The following SMG5 variants were observed in gnomAD, a reference collection of about 807,000 sequenced individuals.
SMG5 encodes the protein nonsense-mediated mRNA decay factor SMG5.
SMG5 carries 53 observed loss-of-function variants against 122.9 expected under a neutral mutation model. That is an observed-to-expected ratio of 0.43 (90% CI 0.35 to 0.54). The LOEUF (loss-of-function observed/expected upper bound fraction) is 0.54, where lower values mean the gene tolerates loss of function less well. Among genes scored for constraint, SMG5 ranks in the 20% least tolerant of loss-of-function variants. The pLI is 0.01. For synonymous variants in SMG5, 477 were observed against 490.2 expected (o/e 0.97, Z 0.35); for missense variants, 1,153 against 1,285.6 (o/e 0.90, Z 1.58).
At chr1:156,275,561 A>G (rs761561378) in intron 4 of SMG5, among the ~76,000 whole-genome samples, 25 of 152,236 alleles carry the variant, frequency 1.6e-4, no homozygotes, top group Non-Finnish European at 3.2e-4. Context: ...GGCTCCAGAG[A>G]CTGTCCTCTT....
chr1:156,273,891 G>A (rs1392099838), intron 5 of SMG5, among the ~76,000 whole-genome samples: 1 of 151,988 alleles, frequency 6.6e-6, no homozygotes, highest in Non-Finnish European at 1.5e-5. Flanking sequence ...TCCCAATGAA[G>A]GGGAGCTGCA....
rs140385195 is a variant in SMG5, at chr1:156,282,663, G to C, written c.18C>G (p.Pro6=). The change falls in exon 1 of 22, where the codon CCC becomes CCG. Residue 6 remains proline, a synonymous_variant. Coordinates refer to ENST00000361813, the MANE Select transcript of SMG5 (RefSeq NM_015327.3). ...CTTCGGGCTCGCTGCTCTCCCCTGT[G>C]GGGGGGCCTTGGCTCATGGTGCCCG... MSQGP[P]TGESSEPEAK... is the part of the protein sequence containing the mutation. 32 of 1,605,630 alleles carry C rather than the reference G, an allele frequency of 2.0e-5. No individual in the cohort carries two copies. The highest frequency in any genetic ancestry group is 1.9e-4 in the South Asian group (17 of 90,808).
chr1:156,255,503 C>G (rs1473116585), intron 16 of SMG5, among the ~76,000 whole-genome samples: 2 of 151,934 alleles, frequency 1.3e-5, no homozygotes, highest in African/African-American at 4.8e-5. Flanking sequence ...CACACCATTG[C>G]ACTCCAGTCT....
At position 156,277,167 on chromosome 1, in the gene SMG5, A is replaced by G; in HGVS notation, c.372T>C (p.His124=). 6.2e-7 allele frequency: 1 copy of G among 1,613,952 alleles called. No homozygotes were observed. Among genetic ancestry groups the G allele is most frequent in the South Asian group, 1.1e-5 (1 of 91,060 alleles). The change falls in exon 4 of 22, where the codon CAT becomes CAC. Residue 124 remains histidine (H), a synonymous_variant. Coordinates refer to ENST00000361813, the MANE Select transcript of SMG5 (RefSeq NM_015327.3). ...HLVAGIGFYQ[H]LLLYIQSHYQ... is the part of the protein sequence containing the mutation. ...AGTGGGACTGGATATAGAGAAGGAG[A>G]TGCTGGTAGAAGCCAATACCAGCAA... is the stretch of plus-strand genomic sequence containing the variant.
rs1241789146 is a variant in SMG5, at chr1:156,282,588, A to G, written c.74+19T>C. On this transcript the variant is annotated intron_variant, in intron 1 of 21. Coordinates refer to ENST00000361813, the MANE Select transcript of SMG5 (RefSeq NM_015327.3). ...CCCACTTCCCTCGGTGGCTGCTCTC[A>G]CGCCCTGGCCCCTCTCACCGGTAAA... 6 of 1,600,526 alleles carry G rather than the reference A, an allele frequency of 3.7e-6. No individual in the cohort carries two copies. The East Asian group carries it at 1.3e-4, about 36-fold the overall frequency.
At chr1:156,268,257 A>G in intron 8 of SMG5, 33 bp downstream of exon 8, 1 of 1,614,122 alleles carries the variant, frequency 6.2e-7, no homozygotes. Flanking sequence ...CCAACTGCAG[A>G]AAAAACCCGT....
chr1:156,283,720 C>T (rs570978899), upstream of SMG5, among the ~76,000 whole-genome samples: 59 of 152,334 alleles, frequency 3.9e-4, no homozygotes, highest in African/African-American at 1.3e-3. Flanking sequence ...CAGCCACCCA[C>T]CTTCTTTCTG....
chr1:156,254,020 T>C lies in SMG5; in HGVS notation c.2443-512A>G, dbSNP rs1201386865. ...CTGCGTCTCTTCCTCTAGTGTTCCC[T>C]AGCCTAGTAAATAAACCAGTCTGCC... On this transcript the variant is annotated intron_variant, in intron 16 of 21. Transcript: ENST00000361813. Among the ~76,000 whole-genome samples, 3 of 152,224 alleles carry C rather than the reference T, an allele frequency of 2.0e-5. No individual in the cohort carries two copies. The East Asian group carries it at 5.8e-4, about 29-fold the overall frequency.
the SMG5 span, among the ~76,000 whole-genome samples, chr1:156,289,627 C>G: frequency 6.6e-6 from 1 of 151,994 alleles, no homozygotes; most frequent in Non-Finnish European, 1.5e-5. Flanking sequence ...ATAACAAGAA[C>G]AACAAAAAAA....
intron 4 of SMG5, among the ~76,000 whole-genome samples, chr1:156,276,121 G>A (rs1464971068): frequency 6.8e-6 from 1 of 146,380 alleles, no homozygotes; most frequent in Non-Finnish European, 1.5e-5. Flanking sequence ...TGGTCTAGAG[G>A]TTTGGCTTTT....
chr1:156,261,434 C>T, intron 13 of SMG5, 26 bp from the exon 14 acceptor site: 1 of 1,598,278 alleles, frequency 6.3e-7, no homozygotes, highest in South Asian at 1.1e-5. Flanking sequence ...GGAGAGGAGG[C>T]CTTCAGCTAG....
At chr1:156,260,341 C>T in intron 15 of SMG5, 110 bp downstream of exon 15, 3 of 1,293,048 alleles carry the variant, frequency 2.3e-6, no homozygotes, top group Non-Finnish European at 1.1e-6. Context: ...GACACTGTCC[C>T]TGTCTGAGTG....
At chr1:156,268,716 T>G (rs981368173) in intron 7 of SMG5, among the ~76,000 whole-genome samples, 1 of 152,266 alleles carries the variant, frequency 6.6e-6, no homozygotes, top group African/African-American at 2.4e-5. Context: ...ATCCTTCATC[T>G]ATTTTTAAAC....
chr1:156,272,301 A>C lies in SMG5; in HGVS notation c.713+19T>G. The C allele has an allele frequency of 6.3e-7, 1 of 1,578,358 alleles. No individual in the cohort carries two copies. Among genetic ancestry groups the C allele is most frequent in the Non-Finnish European group, 8.6e-7 (1 of 1,158,264 alleles). ...TGCACACAAAAGCAGGGCTGGAAAAAGAGCTGGCAAATACTCACCAGCGCA... is the reference window on the plus strand; with the variant it reads ...TGCACACAAAAGCAGGGCTGGAAAACGAGCTGGCAAATACTCACCAGCGCA... On this transcript the variant is annotated intron_variant, in intron 7 of 21. Transcript: ENST00000361813.
In SMG5 at chr1:156,265,854, G is replaced by A. The variant is rs752086337; in HGVS notation, c.1782C>T (p.Pro594=). The A allele has an allele frequency of 1.2e-5, 19 of 1,614,076 alleles. No individual in the cohort carries two copies. Among genetic ancestry groups the A allele is most frequent in the Non-Finnish European group, 1.4e-5 (17 of 1,180,050 alleles). ...TGGCCGAGGTATGAGGGTTGGTGGT[G>A]GGCTGGAGGAGCAGGTTGCTAAAGG... ...APTFSNLLLQ[P]TTNPHTSASH... is the part of the protein sequence containing the mutation. The change falls in exon 12 of 22, where the codon CCC becomes CCT. Residue 594 remains proline (P), a synonymous_variant. Transcript: ENST00000361813.
At chr1:156,281,262 C>T (rs1662921457) in intron 1 of SMG5, among the ~76,000 whole-genome samples, 1 of 152,232 alleles carries the variant, frequency 6.6e-6, no homozygotes, top group Non-Finnish European at 1.5e-5. Context: ...TAGGTTAGTC[C>T]TGTGAATGTA....
intron 16 of SMG5, chr1:156,253,734 C>T: frequency 1.7e-6 from 1 of 574,620 alleles, no homozygotes; most frequent in Non-Finnish European, 3.2e-6. Context: ...ATGTTCCAGG[C>T]CCTGCAGGGG....
chr1:156,262,672 A>G (rs1218668846), intron 13 of SMG5, among the ~76,000 whole-genome samples: 2 of 151,720 alleles, frequency 1.3e-5, no homozygotes, highest in East Asian at 3.9e-4. Context: ...TCTTTACCAC[A>G]CCTCCCTCAA....
chr1:156,263,684 G>T, intron 12 of SMG5, 114 bp from the exon 13 acceptor site: 1 of 1,181,880 alleles, frequency 8.5e-7, no homozygotes, highest in Non-Finnish European at 1.2e-6. Context: ...CCCTTCCAAG[G>T]AATTTGGATA....
Sources: allele counts gnomAD v4.1 joint callset (sites outside exome capture counted in the v4.1 genomes callset), GRCh38; gene constraint gnomAD v4.1.1; transcripts MANE v1.5; gene names NCBI Gene and HGNC (gene_info 2026-07-23, HGNC 2026-07-21).